PIR: variants seen among roughly 807,000 people sequenced by gnomAD.
PIR encodes pirin, also known as pirin (iron-binding nuclear protein).
A neutral mutation model predicts 24.2 loss-of-function variants in PIR; 22 were observed. The observed-to-expected ratio is 0.91, with a 90% confidence interval of 0.65 to 1.30. PIR has a LOEUF of 1.30. Among genes scored for constraint, PIR ranks in the 50% most tolerant of loss-of-function variants. PIR has a pLI of 0.00. For missense variants in PIR, 220 were observed against 220.3 expected, an observed-to-expected ratio of 1.00 and a Z score of 0.01; for synonymous variants, 80 against 79.6, an observed-to-expected ratio of 1.00 and a Z score of -0.03.
intron 6 of PIR, among the ~76,000 whole-genome samples, chrX:15,410,792 T>A (rs1924719125): frequency 8.9e-6 from 1 of 112,312 alleles, no homozygotes; most frequent in South Asian, 3.7e-4. Context: ...GCACAGAGTG[T>A]TAGAGGGCAT....
chrX:15,404,480 A>T (rs1306378042), intron 7 of PIR, among the ~76,000 whole-genome samples: 1 of 111,939 alleles, frequency 8.9e-6, no homozygotes, highest in Non-Finnish European at 1.9e-5. Flanking sequence ...TTCCAGCCCG[A>T]TACACCAAGT....
chrX:15,487,183 T>C (rs1922882317), intron 2 of PIR, among the ~76,000 whole-genome samples: 1 of 112,082 alleles, frequency 8.9e-6, no homozygotes, highest in Admixed American at 9.5e-5. Flanking sequence ...GCTGTGACTA[T>C]ATGGCCCACT....
chrX:15,430,515 C>T (rs1464196285), intron 5 of PIR, among the ~76,000 whole-genome samples: 1 of 111,737 alleles, frequency 8.9e-6, no homozygotes, highest in African/African-American at 3.3e-5. Context: ...CCAGGAAAAC[C>T]TTGTCTCTCC....
rs1924601742 is a variant in PIR at position 15,407,939 on chromosome X, TC to T, written c.566-390del. 3.7e-5 allele frequency among the ~76,000 whole-genome samples: 4 copies of T among 108,975 alleles called. No homozygotes were observed. The Admixed American group carries it at 3.9e-4, about 11-fold the overall frequency. 94.6% of individuals were successfully genotyped at this position (108,975 alleles called of 115,157 possible). A position where few individuals can be genotyped will look rare whatever the true frequency, so the allele number is the denominator to read the frequency against. On this transcript the variant is annotated intron_variant, in intron 6 of 9. Transcript: ENST00000380420. ...GGCTTTATCTTCCATTTGTTGTGCC[TC>T]CAGTGTGTCTGAAGTGTGAAGCTGA...
chrX:15,394,526 C>T (rs950838270), intron 8 of PIR, among the ~76,000 whole-genome samples: 1 of 111,522 alleles, frequency 9.0e-6, no homozygotes, highest in Admixed American at 9.5e-5. Flanking sequence ...GGTGAGTTTG[C>T]TAATCCATGA....
intron 8 of PIR, among the ~76,000 whole-genome samples, chrX:15,396,902 G>A (rs927793450): frequency 2.7e-5 from 3 of 111,176 alleles, no homozygotes; most frequent in Non-Finnish European, 5.7e-5. Context: ...CACCATGTCC[G>A]GCTAATTTTT....
chrX:15,401,835 C>A lies in PIR; in HGVS notation c.611-4304G>T, dbSNP rs938113907. 3.0e-4 allele frequency among the ~76,000 whole-genome samples: 33 copies of A among 111,112 alleles called. 1 individual carries two copies. The highest frequency in any genetic ancestry group is 1.1e-3 in the African/African-American group (33 of 30,668). ...TCTGCAAATGCCAATTTTTCTTTTC[C>A]TTTTTTTCTATTTATAAGAATTGCT... On this transcript the variant is annotated intron_variant, in intron 7 of 9. Coordinates refer to ENST00000380420, the MANE Select transcript of PIR (RefSeq NM_001018109.3).
intron 7 of PIR, among the ~76,000 whole-genome samples, chrX:15,400,750 T>TTTATTTATTTATTG (rs1924352459): frequency 2.8e-5 from 3 of 107,336 alleles, no homozygotes; most frequent in African/African-American, 1.0e-4. Context: ...TTTATTTATA[T>TTTATTTATTTATTG]ATTTATTTAT....
chrX:15,396,793 T>G (rs1018641822), intron 8 of PIR, among the ~76,000 whole-genome samples: 14 of 108,052 alleles, frequency 1.3e-4, no homozygotes, highest in Admixed American at 1.0e-4. Flanking sequence ...CCAGCTGGAG[T>G]GCAGTGGCGC....
At chrX:15,407,359 AC>A (rs1213077278) in intron 7 of PIR, 146 bp downstream of exon 7, 2 of 494,996 alleles carry the variant, frequency 4.0e-6, no homozygotes, top group African/African-American at 4.7e-5. Context: ...CCCTGGGCAT[AC>A]CTGTGCTGGG....
In PIR at chrX:15,459,451, T is replaced by C. The variant is rs187570303; in HGVS notation, c.273+206A>G. On this transcript the variant is annotated intron_variant, in intron 4 of 9. Transcript: ENST00000380420. ...AAAAGACTAGGTGGGAGCTAAAAAGTGATTGAGGGGTCAAGGAAAGTGTGA... is the reference window on the plus strand; with the variant it reads ...AAAAGACTAGGTGGGAGCTAAAAAGCGATTGAGGGGTCAAGGAAAGTGTGA... Among the ~76,000 whole-genome samples the C allele has an allele frequency of 2.7e-5, 3 of 111,968 alleles. No individual in the cohort carries two copies. In the East Asian group the frequency reaches 8.4e-4, roughly 31 times the overall value.
Position 15,395,671 on chromosome X carries a change from A to C in PIR, c.693+1778T>G, listed in dbSNP as rs780127560. Among the ~76,000 whole-genome samples the C allele has an allele frequency of 2.7e-5, 3 of 112,662 alleles. No individual in the cohort carries two copies. In the East Asian group the frequency reaches 8.3e-4, roughly 31 times the overall value. On this transcript the variant is annotated intron_variant, in intron 8 of 9. Transcript: ENST00000380420. ...TTACAAACGTGTCCAAAGTCACAACAGCTAACAAGCAGTAAAGCCAAGATT... is the reference window on the plus strand; with the variant it reads ...TTACAAACGTGTCCAAAGTCACAACCGCTAACAAGCAGTAAAGCCAAGATT...
intron 3 of PIR, among the ~76,000 whole-genome samples, chrX:15,464,872 CAT>C (rs931518912): frequency 3.6e-5 from 4 of 112,219 alleles, no homozygotes; most frequent in African/African-American, 9.7e-5. Flanking sequence ...CCTTTCAAAT[CAT>C]ATTCTTTTCC....
intron 5 of PIR, among the ~76,000 whole-genome samples, chrX:15,453,734 C>T (rs936165564): frequency 1.8e-5 from 2 of 112,093 alleles, no homozygotes; most frequent in African/African-American, 3.2e-5. Context: ...GCTGTGATTA[C>T]AAGACCACAT....
chrX:15,417,595 T>A (rs746619061), intron 6 of PIR, among the ~76,000 whole-genome samples: 13 of 111,523 alleles, frequency 1.2e-4, no homozygotes, highest in Admixed American at 1.9e-4. Context: ...AAAATTTTTA[T>A]CTTACAGTTC....
intron 5 of PIR, among the ~76,000 whole-genome samples, chrX:15,449,651 T>C (rs1036041618): frequency 1.8e-5 from 2 of 112,487 alleles, no homozygotes; most frequent in African/African-American, 6.5e-5. Context: ...TATTTAATGT[T>C]GAATTTAACA....
At chrX:15,470,117 G>A (rs1921808083) in intron 3 of PIR, among the ~76,000 whole-genome samples, 1 of 111,807 alleles carries the variant, frequency 8.9e-6, no homozygotes, top group Non-Finnish European at 1.9e-5. Flanking sequence ...GGACAAATGT[G>A]GGCCTGGGAT....
chrX:15,449,289 G>A (rs951265399), intron 5 of PIR, among the ~76,000 whole-genome samples: 11 of 111,746 alleles, frequency 9.8e-5, no homozygotes, highest in Non-Finnish European at 1.7e-4. Context: ...CTTGCCCGGT[G>A]TCAAAAAGAG....
At chrX:15,414,517 G>A (rs974428579) in intron 6 of PIR, among the ~76,000 whole-genome samples, 3 of 111,722 alleles carry the variant, frequency 2.7e-5, no homozygotes, top group Admixed American at 1.9e-4. Context: ...TTAGGCATTC[G>A]AACTTAGATT....
Sources: gnomAD v4.1 joint callset for allele counts (sites outside exome capture counted in the v4.1 genomes callset) on GRCh38, gnomAD v4.1.1 for gene constraint, MANE v1.5 for transcripts, NCBI Gene and HGNC (gene_info 2026-07-23, HGNC 2026-07-21) for gene names.